TTLL5: variants seen among roughly 807,000 people sequenced by gnomAD.
TTLL5 encodes tubulin polyglutamylase TTLL5.
In TTLL5, 132 loss-of-function variants were observed where a neutral mutation model predicts 168.4. The observed-to-expected ratio is 0.78, with a 90% CI of 0.68 to 0.91. The LOEUF is 0.91. TTLL5 is among the 40% of genes least tolerant of loss of function. The probability of loss-of-function intolerance (pLI) is 0.00; values close to 1 mark genes in which losing one functional copy is unlikely to be tolerated. For missense variants in TTLL5, 1,545 were observed against 1,581.5 expected (o/e 0.98, Z 0.39); for synonymous variants, 546 against 558.6 (o/e 0.98, Z 0.32).
At chr14:75,745,655 T>C in intron 17 of TTLL5, 74 bp downstream of exon 17, 5 of 1,169,766 alleles carry the variant, frequency 4.3e-6, no homozygotes, top group Non-Finnish European at 6.3e-6. Context: ...TACACTGTCA[T>C]CACTGCTCCC....
intron 15 of TTLL5, among the ~76,000 whole-genome samples, chr14:75,737,876 T>G (rs1889006949): frequency 6.6e-6 from 1 of 152,208 alleles, no homozygotes; most frequent in African/African-American, 2.4e-5. Context: ...AACAGGGGCT[T>G]GAAGGCATAT....
chr14:75,886,615 T>A, intron 30 of TTLL5: 1 of 1,489,344 alleles, frequency 6.7e-7, no homozygotes, highest in East Asian at 2.4e-5. Flanking sequence ...GGGAATGATT[T>A]AAAATTTTTT....
At position 75,791,105 on chromosome 14, in the gene TTLL5, C is replaced by CAAAAAAAAA. The variant is rs372035829; in HGVS notation, c.2987-1800_2987-1792dup. 1.4e-3 allele frequency among the ~76,000 whole-genome samples: 111 copies of CAAAAAAAAA among 77,258 alleles called. 13 individuals are homozygous for CAAAAAAAAA. Among genetic ancestry groups the CAAAAAAAAA allele is most frequent in the African/African-American group, 4.2e-3 (55 of 13,146 alleles). The allele number at this position is 77,258 out of a possible 152,430, so 50.7% of individuals were successfully genotyped here. A position where few individuals can be genotyped will look rare whatever the true frequency, so the allele number is the denominator to read the frequency against. ...TGGGTGACAGAGCAAGACTCTGTCT[C>CAAAAAAAAA]AAAAAAAAAAAAAAAAAAATACCAC... On this transcript the variant is annotated intron_variant, in intron 26 of 31. Coordinates refer to ENST00000298832, the MANE Select transcript of TTLL5 (RefSeq NM_015072.5).
chr14:75,692,014 CACTAATTAAATGA>C (rs1885500453), intron 6 of TTLL5, among the ~76,000 whole-genome samples: 1 of 152,180 alleles, frequency 6.6e-6, no homozygotes, highest in Non-Finnish European at 1.5e-5. Flanking sequence ...TCACATAGAG[CACTAATTAAATGA>C]ATCAACTTCA....
chr14:75,717,966 C>T lies in TTLL5; in HGVS notation c.842+4C>T, dbSNP rs1018754407. ...AGAAAAGTGGAGATTACGTCAGGTACTGGCTGTGTCTGAGCCAGAAGTCAG... is the reference window on the plus strand; with the variant it reads ...AGAAAAGTGGAGATTACGTCAGGTATTGGCTGTGTCTGAGCCAGAAGTCAG... On this transcript the variant is annotated splice_donor_region_variant and intron_variant, in intron 10 of 31. Transcript: ENST00000298832. The T allele has an allele frequency of 1.2e-6, 2 of 1,612,352 alleles. No homozygotes were observed. Among genetic ancestry groups the T allele is most frequent in the Admixed American group, 1.7e-5 (1 of 59,958 alleles).
At chr14:75,699,648 G>A (rs565548993) in intron 7 of TTLL5, among the ~76,000 whole-genome samples, 22 of 152,296 alleles carry the variant, frequency 1.4e-4, no homozygotes, top group African/African-American at 5.3e-4. Flanking sequence ...CTGTTCTCAA[G>A]GTTATCAAAC....
intron 1 of TTLL5, among the ~76,000 whole-genome samples, chr14:75,662,026 A>C (rs957001664): frequency 1.3e-5 from 2 of 152,224 alleles, no homozygotes; most frequent in African/African-American, 2.4e-5. Context: ...TCTGACACAC[A>C]CAACGAACAT....
intron 12 of TTLL5, among the ~76,000 whole-genome samples, chr14:75,722,173 C>G (rs1039609624): frequency 6.6e-6 from 1 of 152,096 alleles, no homozygotes; most frequent in African/African-American, 2.4e-5. Context: ...CCTAAAAACT[C>G]TCCTTCTGTC....
At chr14:75,870,126 A>G (rs1270593442) in intron 29 of TTLL5, among the ~76,000 whole-genome samples, 2 of 151,932 alleles carry the variant, frequency 1.3e-5, no homozygotes, top group Non-Finnish European at 2.9e-5. Context: ...GCCAACAAGT[A>G]CTTACTGACT....
chr14:75,717,592 T>C (rs1156962221), intron 9 of TTLL5, among the ~76,000 whole-genome samples: 1 of 152,226 alleles, frequency 6.6e-6, no homozygotes, highest in Non-Finnish European at 1.5e-5. Flanking sequence ...GGTGTGATCT[T>C]GAACAAGTTA....
intron 31 of TTLL5, 120 bp from the exon 32 acceptor site, chr14:75,954,304 T>G: frequency 9.6e-7 from 1 of 1,043,438 alleles, no homozygotes; most frequent in Non-Finnish European, 1.4e-6. Context: ...TGAACTTCAT[T>G]TATTTGGGCC....
intron 15 of TTLL5, among the ~76,000 whole-genome samples, chr14:75,736,651 T>C (rs1324412548): frequency 1.3e-5 from 2 of 152,180 alleles, no homozygotes; most frequent in Non-Finnish European, 2.9e-5. Flanking sequence ...CTTTTAAGTA[T>C]TGGCAGCCAC....
chr14:75,841,236 C>A (rs1327174222), intron 28 of TTLL5, among the ~76,000 whole-genome samples: 4 of 152,190 alleles, frequency 2.6e-5, no homozygotes, highest in Non-Finnish European at 5.9e-5. Flanking sequence ...CTTCATAGTT[C>A]TAAATCATGT....
chr14:75,919,060 G>T (rs868754075), intron 31 of TTLL5, among the ~76,000 whole-genome samples: 1 of 151,726 alleles, frequency 6.6e-6, no homozygotes, highest in Non-Finnish European at 1.5e-5. Flanking sequence ...AATTAGCTGG[G>T]CATGGTGGCA....
chr14:75,737,953 T>C (rs1439408500), intron 15 of TTLL5, among the ~76,000 whole-genome samples: 1 of 152,176 alleles, frequency 6.6e-6, no homozygotes, highest in Non-Finnish European at 1.5e-5. Context: ...TCAATTTTTT[T>C]TTTCAGACAT....
intron 5 of TTLL5, chr14:75,685,067 G>A (rs1884933776): frequency 6.6e-6 from 1 of 152,086 alleles, no homozygotes; most frequent in Non-Finnish European, 1.5e-5. Context: ...ATGTTGTTTA[G>A]GTTCCCTTCA....
At chr14:75,670,060 G>A (rs1883610412) in intron 3 of TTLL5, among the ~76,000 whole-genome samples, 1 of 152,014 alleles carries the variant, frequency 6.6e-6, no homozygotes, top group Non-Finnish European at 1.5e-5. Flanking sequence ...TGTTTTTGAG[G>A]TTCATCCATG....
chr14:75,843,007 C>T (rs1337221990), intron 28 of TTLL5, among the ~76,000 whole-genome samples: 1 of 152,196 alleles, frequency 6.6e-6, no homozygotes, highest in Non-Finnish European at 1.5e-5. Flanking sequence ...CAGCAAAGCA[C>T]CTGCTTGCTA....
At chr14:75,808,420 T>C (rs570702502) in intron 27 of TTLL5, among the ~76,000 whole-genome samples, 19 of 152,352 alleles carry the variant, frequency 1.2e-4, no homozygotes, top group Non-Finnish European at 2.6e-4. Flanking sequence ...CATCCAGGAA[T>C]TGAAGAAGGA....
Sources: allele counts gnomAD v4.1 joint callset (sites outside exome capture counted in the v4.1 genomes callset), GRCh38; gene constraint gnomAD v4.1.1; transcripts MANE v1.5; gene names NCBI Gene and HGNC (gene_info 2026-07-23, HGNC 2026-07-21).